Variants in ASAP1 observed in about 807,000 individuals in gnomAD.
The protein encoded by ASAP1 is arf-GAP with SH3 domain, ANK repeat and PH domain-containing protein 1.
In ASAP1, 43 loss-of-function variants were observed where a neutral mutation model predicts 145.2. The ratio of observed to expected loss-of-function variants is 0.30; its 90% confidence interval spans 0.23 to 0.38. ASAP1 has a LOEUF of 0.38. Among genes scored for constraint, ASAP1 ranks in the 10% least tolerant of loss-of-function variants. The probability of loss-of-function intolerance (pLI) is 1.00; values close to 1 mark genes in which losing one functional copy is unlikely to be tolerated. For missense variants in ASAP1, 1,018 were observed against 1,355.3 expected (o/e 0.75, Z 3.91); for synonymous variants, 546 against 515.5 (o/e 1.06, Z -0.80).
chr8:130,206,409 A>T (rs1280478613), intron 5 of ASAP1, among the ~76,000 whole-genome samples: 1 of 152,150 alleles, frequency 6.6e-6, no homozygotes, highest in Non-Finnish European at 1.5e-5. Context: ...TCCAACCTGT[A>T]CATTATCAGA....
At chr8:130,183,866 A>G (rs1177903171) in intron 7 of ASAP1, among the ~76,000 whole-genome samples, 1 of 152,196 alleles carries the variant, frequency 6.6e-6, no homozygotes, top group African/African-American at 2.4e-5. Flanking sequence ...AGAGAGTCAA[A>G]CGCCATCCCA....
chr8:130,314,394 G>C (rs1255186990), intron 3 of ASAP1, among the ~76,000 whole-genome samples: 1 of 152,208 alleles, frequency 6.6e-6, no homozygotes, highest in Non-Finnish European at 1.5e-5. Context: ...ATTTAATCTT[G>C]AAACATTACA....
intron 11 of ASAP1, among the ~76,000 whole-genome samples, chr8:130,166,371 GCTTA>G (rs2097679836): frequency 6.6e-6 from 1 of 152,126 alleles, no homozygotes; most frequent in South Asian, 2.1e-4. Flanking sequence ...AACAAATGGT[GCTTA>G]CTGTTTAATT....
At chr8:130,336,710 T>C (rs1036824043) in intron 3 of ASAP1, among the ~76,000 whole-genome samples, 7 of 152,178 alleles carry the variant, frequency 4.6e-5, no homozygotes, top group African/African-American at 1.7e-4. Flanking sequence ...AAAAATACTT[T>C]TTGACAGTCT....
chr8:130,170,393 G>C (rs192973068), intron 9 of ASAP1, among the ~76,000 whole-genome samples: 42 of 152,194 alleles, frequency 2.8e-4, no homozygotes, highest in Non-Finnish European at 5.9e-4. Flanking sequence ...GACCTCAAGT[G>C]ATCTGCCCAC....
intron 3 of ASAP1, among the ~76,000 whole-genome samples, chr8:130,252,617 TG>T (rs1041115496): frequency 6.6e-6 from 1 of 152,176 alleles, no homozygotes; most frequent in African/African-American, 2.4e-5. Flanking sequence ...AGCTCCTGTC[TG>T]GGGCCCAAAA....
At chr8:130,278,569 C>G (rs1031055794) in intron 3 of ASAP1, among the ~76,000 whole-genome samples, 15 of 152,086 alleles carry the variant, frequency 9.9e-5, no homozygotes, top group Non-Finnish European at 2.2e-4. Context: ...TGCAAATAAG[C>G]CTTTCTCTTT....
Position 130,393,810 on chromosome 8 carries a change from C to T in ASAP1, c.59+8075G>A, listed in dbSNP as rs143368840. Among the ~76,000 whole-genome samples the T allele has an allele frequency of 7.9e-5, 12 of 152,312 alleles. 1 individual carries two copies. In the East Asian group the frequency reaches 2.3e-3, roughly 29 times the overall value. On this transcript the variant is annotated intron_variant, in intron 2 of 29. Transcript: ENST00000518721. ...ACCAGCTGAAGCCGTGGCAGAAGAA[C>T]ATAAATTGTGAAGATTTCATGGACA...
intron 13 of ASAP1, among the ~76,000 whole-genome samples, chr8:130,148,838 A>G (rs563175105): frequency 6.6e-6 from 1 of 151,904 alleles, no homozygotes; most frequent in Admixed American, 6.6e-5. Flanking sequence ...TTTGAGGCTA[A>G]AACTTTTTTT....
chr8:130,290,460 T>C (rs951252011), intron 3 of ASAP1, among the ~76,000 whole-genome samples: 7 of 152,198 alleles, frequency 4.6e-5, no homozygotes, highest in Non-Finnish European at 8.8e-5. Context: ...GATCCAAGAT[T>C]CCTCTTTTCT....
intron 9 of ASAP1, among the ~76,000 whole-genome samples, chr8:130,178,558 C>T (rs1361099239): frequency 1.3e-5 from 2 of 152,112 alleles, no homozygotes; most frequent in Admixed American, 1.3e-4. Context: ...CTTAATGCCC[C>T]AACTATTTAA....
chr8:130,183,818 G>C (rs1814532938), intron 7 of ASAP1, among the ~76,000 whole-genome samples: 1 of 152,184 alleles, frequency 6.6e-6, no homozygotes, highest in East Asian at 1.9e-4. Flanking sequence ...CCAAAATATG[G>C]AACTATACTA....
chr8:130,185,652 C>T (rs149479928), intron 7 of ASAP1, among the ~76,000 whole-genome samples: 1 of 149,670 alleles, frequency 6.7e-6, no homozygotes, highest in Non-Finnish European at 1.5e-5. Context: ...TCGCTTGAAC[C>T]CAGGAGGCAG....
intron 3 of ASAP1, among the ~76,000 whole-genome samples, chr8:130,242,542 G>C (rs1818602382): frequency 6.6e-6 from 1 of 151,992 alleles, no homozygotes; most frequent in Non-Finnish European, 1.5e-5. Context: ...CTTGATGGGA[G>C]GAGTGAGGAT....
At chr8:130,343,717 A>G (rs1218263857) in intron 3 of ASAP1, among the ~76,000 whole-genome samples, 6 of 152,246 alleles carry the variant, frequency 3.9e-5, no homozygotes, top group African/African-American at 9.6e-5. Flanking sequence ...TCCAAGGTGA[A>G]CAACAGGTCC....
chr8:130,096,121 T>G (rs945115225), intron 24 of ASAP1, among the ~76,000 whole-genome samples: 1 of 152,174 alleles, frequency 6.6e-6, no homozygotes, highest in South Asian at 2.1e-4. Flanking sequence ...TGCTACAAAA[T>G]CTTGGCTGGG....
At chr8:130,242,287 C>CT (rs80098648) in intron 3 of ASAP1, among the ~76,000 whole-genome samples, 369 of 110,910 alleles carry the variant, frequency 3.3e-3, no homozygotes, top group African/African-American at 9.3e-3. Context: ...AAAAAAACAA[C>CT]TTTTTTTTTT....
intron 3 of ASAP1, among the ~76,000 whole-genome samples, chr8:130,251,171 T>C (rs926826243): frequency 7.9e-5 from 12 of 152,142 alleles, no homozygotes; most frequent in African/African-American, 2.7e-4. Context: ...TAATCTCAGC[T>C]CTCTGGGAGG....
At chr8:130,304,080 AC>A (rs772519256) in intron 3 of ASAP1, among the ~76,000 whole-genome samples, 1 of 152,096 alleles carries the variant, frequency 6.6e-6, no homozygotes, top group Non-Finnish European at 1.5e-5. Context: ...AGAACTCTGG[AC>A]TTTTGGCTCG....
Sources: allele counts gnomAD v4.1 joint callset (sites outside exome capture counted in the v4.1 genomes callset), GRCh38; gene constraint gnomAD v4.1.1; transcripts MANE v1.5; gene names NCBI Gene and HGNC (gene_info 2026-07-23, HGNC 2026-07-21).